The following ATP9B variants were observed in gnomAD, a reference collection of about 807,000 sequenced individuals.
ATP9B encodes the protein ATPase phospholipid transporting 9B.
ATP9B carries 110 observed loss-of-function variants against 146.1 expected under a neutral mutation model. That is an observed-to-expected ratio of 0.75 (90% CI 0.65 to 0.88). The LOEUF (loss-of-function observed/expected upper bound fraction) is 0.88. ATP9B is among the 40% of genes least tolerant of loss of function. The pLI is 0.00. For missense variants in ATP9B, 1,499 were observed against 1,496.4 expected (o/e 1.00, Z -0.03); for synonymous variants, 604 against 569.7 (o/e 1.06, Z -0.86).
At chr18:79,142,534 G>A (rs2094526458) in intron 5 of ATP9B, among the ~76,000 whole-genome samples, 2 of 152,176 alleles carry the variant, frequency 1.3e-5, no homozygotes, top group Admixed American at 1.3e-4. Flanking sequence ...CATCTCTACT[G>A]CCGGATGCTT....
At chr18:79,370,206 CAGT>C (rs1264886460) in intron 26 of ATP9B, among the ~76,000 whole-genome samples, 3 of 152,190 alleles carry the variant, frequency 2.0e-5, no homozygotes, top group South Asian at 2.1e-4. Context: ...GTAAATATAA[CAGT>C]AGCATTCAGT....
intron 7 of ATP9B, among the ~76,000 whole-genome samples, chr18:79,157,931 A>G (rs370581501): frequency 2.0e-5 from 3 of 152,150 alleles, no homozygotes; most frequent in Non-Finnish European, 4.4e-5. Context: ...AAGGTTTGTC[A>G]ATCTTGTTGA....
chr18:79,069,469 G>A lies in ATP9B; in HGVS notation c.59G>A (p.Arg20His). Residue 20 changes from arginine to histidine, a missense_variant, in exon 1 of 30, where the codon CGC becomes CAC. Transcript: ENST00000426216. ...VRSAAAAAAN[R>H]KRAAYYSAAG... Reference sequence around the variant, plus strand: ...AGCGCAGCGGCGGCCGCAGCCAACCGCAAACGCGCGGCCTACTACAGCGCC... The same window carrying A: ...AGCGCAGCGGCGGCCGCAGCCAACCACAAACGCGCGGCCTACTACAGCGCC... 3.3e-6 allele frequency: 5 copies of A among 1,504,314 alleles called. No individual in the cohort carries two copies. Among genetic ancestry groups the A allele is most frequent in the South Asian group, 1.3e-5 (1 of 79,194 alleles). The allele number at this position is 1,504,314 out of a possible 1,614,324, so 93.2% of individuals were successfully genotyped here.
chr18:79,121,919 TC>T (rs1409003167), intron 4 of ATP9B, among the ~76,000 whole-genome samples: 2 of 152,294 alleles, frequency 1.3e-5, no homozygotes, highest in African/African-American at 4.8e-5. Context: ...TTCACTGACT[TC>T]CTTGAGTTCT....
intron 6 of ATP9B, among the ~76,000 whole-genome samples, chr18:79,147,143 A>C (rs1316311689): frequency 6.6e-6 from 1 of 152,264 alleles, no homozygotes; most frequent in African/African-American, 2.4e-5. Context: ...GGATTAATCC[A>C]TCAGGAAGAT....
intron 17 of ATP9B, among the ~76,000 whole-genome samples, chr18:79,334,710 A>T (rs1029563125): frequency 6.6e-6 from 1 of 151,952 alleles, no homozygotes; most frequent in African/African-American, 2.4e-5. Flanking sequence ...GTGTGCTCAC[A>T]GCTAAGTCCT....
At chr18:79,344,730 C>T (rs934018735) in intron 21 of ATP9B, among the ~76,000 whole-genome samples, 2 of 152,146 alleles carry the variant, frequency 1.3e-5, no homozygotes, top group South Asian at 2.1e-4. Context: ...TGGGCTGGGT[C>T]GCAGTGATTG....
chr18:79,157,207 TACACACACACACACACACACACAC>T (rs147810207), intron 7 of ATP9B, among the ~76,000 whole-genome samples: 24 of 135,380 alleles, frequency 1.8e-4, no homozygotes, highest in African/African-American at 5.4e-4. Flanking sequence ...CTAAAAAAAA[TACACACACACACACACACACACAC>T]ACACACACAC....
intron 25 of ATP9B, among the ~76,000 whole-genome samples, chr18:79,349,354 C>G (rs1600259517): frequency 6.6e-6 from 1 of 152,314 alleles, no homozygotes; most frequent in South Asian, 2.1e-4. Flanking sequence ...CTTTCATCCT[C>G]ACCTTGTCCC....
At chr18:79,074,093 T>C (rs1343535999) in intron 1 of ATP9B, among the ~76,000 whole-genome samples, 1 of 152,242 alleles carries the variant, frequency 6.6e-6, no homozygotes, top group East Asian at 1.9e-4. Context: ...GCTGTGGTTC[T>C]AAATGACATT....
intron 17 of ATP9B, among the ~76,000 whole-genome samples, chr18:79,332,434 A>G (rs1157143546): frequency 1.3e-5 from 2 of 152,266 alleles, no homozygotes; most frequent in Non-Finnish European, 2.9e-5. Flanking sequence ...GTCTCAAAAA[A>G]TAAAAATAAA....
At chr18:79,211,688 T>A (rs893055480) in intron 10 of ATP9B, among the ~76,000 whole-genome samples, 2 of 152,246 alleles carry the variant, frequency 1.3e-5, no homozygotes, top group African/African-American at 4.8e-5. Flanking sequence ...TGTCTTGGGA[T>A]AAATGAAGTT....
chr18:79,204,257 C>T (rs538359638), intron 9 of ATP9B, among the ~76,000 whole-genome samples: 2 of 152,098 alleles, frequency 1.3e-5, no homozygotes, highest in African/African-American at 4.8e-5. Flanking sequence ...TTTTAAAGCC[C>T]GTAATAGTGG....
chr18:79,347,999 CG>C, intron 24 of ATP9B, 74 bp downstream of exon 24: 2 of 1,603,862 alleles, frequency 1.2e-6, no homozygotes, highest in East Asian at 4.5e-5. Flanking sequence ...GGGCAGGGTC[CG>C]GGAGTGGGGG....
chr18:79,286,098 C>T (rs1300542309), intron 13 of ATP9B, among the ~76,000 whole-genome samples: 6 of 148,050 alleles, frequency 4.1e-5, no homozygotes, highest in African/African-American at 7.6e-5. Context: ...CTTGGCGATG[C>T]GGGCTCTTTT....
In ATP9B at chr18:79,337,980, G is replaced by A. The variant is rs1236521521; in HGVS notation, c.2283+531G>A. Among the ~76,000 whole-genome samples the A allele has an allele frequency of 5.9e-5, 9 of 152,292 alleles. 1 individual carries two copies. The highest frequency in any genetic ancestry group is 6.8e-3 in the Middle Eastern group (2 of 294). Reference sequence around the variant, plus strand: ...TGCCTCCCCTGTGAGCACAGGGTACGTCCATTGTGACGGCACGTGTTCCAT... The same window carrying A: ...TGCCTCCCCTGTGAGCACAGGGTACATCCATTGTGACGGCACGTGTTCCAT... On this transcript the variant is annotated intron_variant, in intron 19 of 29. Coordinates refer to ENST00000426216, the MANE Select transcript of ATP9B (RefSeq NM_198531.5).
At chr18:79,237,695 G>T (rs1376281046) in intron 11 of ATP9B, among the ~76,000 whole-genome samples, 2 of 149,822 alleles carry the variant, frequency 1.3e-5, no homozygotes, top group Non-Finnish European at 3.0e-5. Flanking sequence ...TTTTTGGGGG[G>T]GGGTGGGGGA....
intron 8 of ATP9B, among the ~76,000 whole-genome samples, chr18:79,183,364 T>A (rs937120126): frequency 6.6e-6 from 1 of 152,228 alleles, no homozygotes; most frequent in Non-Finnish European, 1.5e-5. Flanking sequence ...TATTAATTAA[T>A]CAATTAATCT....
intron 9 of ATP9B, among the ~76,000 whole-genome samples, chr18:79,197,138 A>G (rs1442420913): frequency 1.3e-5 from 2 of 152,216 alleles, no homozygotes; most frequent in African/African-American, 2.4e-5. Context: ...TTCTCTGATC[A>G]CAATGCAATA....
Sources: gnomAD v4.1 joint callset for allele counts (sites outside exome capture counted in the v4.1 genomes callset) on GRCh38, gnomAD v4.1.1 for gene constraint, MANE v1.5 for transcripts, NCBI Gene and HGNC (gene_info 2026-07-23, HGNC 2026-07-21) for gene names.